Variants in GALNT2 observed in about 807,000 individuals in gnomAD.
GALNT2 encodes polypeptide N-acetylgalactosaminyltransferase 2, also known as UDP-GalNAc:polypeptide N-acetylgalactosaminyltransferase 2.
GALNT2 carries 31 observed loss-of-function variants against 81.4 expected under a neutral mutation model. The observed-to-expected ratio is 0.38, with a 90% CI of 0.29 to 0.51. The LOEUF (loss-of-function observed/expected upper bound fraction) is 0.51, where lower values mean the gene tolerates loss of function less well. GALNT2 is among the 20% of genes least tolerant of loss of function. The probability of loss-of-function intolerance (pLI) is 0.87; values close to 1 mark genes in which losing one functional copy is unlikely to be tolerated. For missense variants in GALNT2, 629 were observed against 765.7 expected (o/e 0.82, Z 2.11); for synonymous variants, 303 against 287.4 (o/e 1.05, Z -0.55).
chr1:230,170,684 T>G (rs1251915340), intron 1 of GALNT2, among the ~76,000 whole-genome samples: 2 of 152,222 alleles, frequency 1.3e-5, no homozygotes, highest in Admixed American at 6.5e-5. Flanking sequence ...AGAATCTGCT[T>G]CTGGTGAGGA....
At chr1:230,174,315 C>T (rs1206802916) in intron 1 of GALNT2, among the ~76,000 whole-genome samples, 4 of 152,220 alleles carry the variant, frequency 2.6e-5, no homozygotes, top group Admixed American at 2.6e-4. Context: ...CTCCTCTCCC[C>T]TGCACTGACA....
chr1:230,203,500 G>A (rs1558138532), intron 3 of GALNT2, among the ~76,000 whole-genome samples: 1 of 152,236 alleles, frequency 6.6e-6, no homozygotes, highest in Non-Finnish European at 1.5e-5. Flanking sequence ...GTCTTTAGGT[G>A]CCCTGTGGCA....
chr1:230,226,467 G>T (rs12025964), intron 3 of GALNT2, among the ~76,000 whole-genome samples: 16,551 of 152,202 alleles, frequency 0.11, 1,861 homozygotes, highest in East Asian at 0.57. Context: ...CAAACTTCTG[G>T]CCCTGCTGGC....
At chr1:230,124,690 A>C (rs958521650) in intron 1 of GALNT2, among the ~76,000 whole-genome samples, 1 of 152,206 alleles carries the variant, frequency 6.6e-6, no homozygotes, top group African/African-American at 2.4e-5. Flanking sequence ...TAAAAGCCAC[A>C]GTCTTGGAAC....
At chr1:230,210,322 C>T (rs1664197548) in intron 3 of GALNT2, among the ~76,000 whole-genome samples, 1 of 152,160 alleles carries the variant, frequency 6.6e-6, no homozygotes, top group Admixed American at 6.5e-5. Context: ...TTTCTTCTTT[C>T]CCCTGTCAAC....
At chr1:230,277,280 TCAGA>T (rs1244597552) in intron 15 of GALNT2, among the ~76,000 whole-genome samples, 1 of 152,112 alleles carries the variant, frequency 6.6e-6, no homozygotes, top group East Asian at 1.9e-4. Flanking sequence ...CACAATCCCA[TCAGA>T]CAGACAGATC....
At chr1:230,065,426 T>C (rs1659147770), upstream of GALNT2, among the ~76,000 whole-genome samples, 1 of 150,980 alleles carries the variant, frequency 6.6e-6, no homozygotes, top group Admixed American at 6.6e-5. Context: ...ATCCTAGATA[T>C]GTGTGTGTGT....
At chr1:230,230,824 T>TG (rs1234550999) in intron 3 of GALNT2, among the ~76,000 whole-genome samples, 1 of 152,186 alleles carries the variant, frequency 6.6e-6, no homozygotes, top group East Asian at 1.9e-4. Context: ...TTCAGGGAGA[T>TG]GGTGCATATT....
intron 1 of GALNT2, among the ~76,000 whole-genome samples, chr1:230,071,710 C>T (rs1158219391): frequency 6.6e-6 from 1 of 152,194 alleles, no homozygotes; most frequent in Non-Finnish European, 1.5e-5. Context: ...AGAAAGTCCA[C>T]TTCAAATGAG....
intron 3 of GALNT2, among the ~76,000 whole-genome samples, chr1:230,221,592 G>A (rs1035493312): frequency 2.0e-5 from 3 of 152,134 alleles, no homozygotes; most frequent in African/African-American, 7.2e-5. Context: ...TGTTAACTTT[G>A]TAAAATGAAT....
At chr1:230,081,628 C>T (rs1209469777) in intron 1 of GALNT2, among the ~76,000 whole-genome samples, 6 of 152,168 alleles carry the variant, frequency 3.9e-5, no homozygotes, top group Middle Eastern at 3.2e-3. Flanking sequence ...AACAAAGCCC[C>T]CCTGTGAGGG....
intron 1 of GALNT2, among the ~76,000 whole-genome samples, chr1:230,100,498 G>A (rs752896275): frequency 1.3e-4 from 19 of 151,966 alleles, no homozygotes; most frequent in African/African-American, 1.9e-4. Flanking sequence ...GCTAATTTTT[G>A]TATTTTTAGT....
At chr1:230,198,866 C>T (rs536069398) in intron 2 of GALNT2, among the ~76,000 whole-genome samples, 62 of 152,278 alleles carry the variant, frequency 4.1e-4, no homozygotes, top group African/African-American at 1.4e-3. Context: ...GCAAACTTTT[C>T]GCAGCCCTTT....
chr1:230,081,532 G>A (rs1283273649), intron 1 of GALNT2, among the ~76,000 whole-genome samples: 1 of 152,170 alleles, frequency 6.6e-6, no homozygotes, highest in Non-Finnish European at 1.5e-5. Flanking sequence ...ATTAGGAAAT[G>A]TTCTTTCATT....
intron 6 of GALNT2, among the ~76,000 whole-genome samples, chr1:230,239,125 CTTT>C: frequency 6.6e-6 from 1 of 152,104 alleles, no homozygotes; most frequent in Non-Finnish European, 1.5e-5. Context: ...GATATTGTCT[CTTT>C]TTTTACTGTT....
At chr1:230,274,636 G>C (rs993295764) in intron 15 of GALNT2, 72 bp downstream of exon 15, 3 of 1,577,550 alleles carry the variant, frequency 1.9e-6, no homozygotes, top group Non-Finnish European at 2.6e-6. Context: ...GCGCCCTCTT[G>C]CTCTGTGCTG....
chr1:230,276,103 A>C (rs1666301232), intron 15 of GALNT2, among the ~76,000 whole-genome samples: 1 of 151,570 alleles, frequency 6.6e-6, no homozygotes, highest in Non-Finnish European at 1.5e-5. Context: ...ATAAACACAT[A>C]TATACATATA....
intron 14 of GALNT2, among the ~76,000 whole-genome samples, chr1:230,266,301 A>T (rs1345625735): frequency 6.6e-6 from 1 of 152,126 alleles, no homozygotes; most frequent in East Asian, 1.9e-4. Flanking sequence ...GAGACTTCGG[A>T]TTCTAAAAAC....
intron 1 of GALNT2, among the ~76,000 whole-genome samples, chr1:230,074,008 A>C (rs948391863): frequency 2.6e-5 from 4 of 152,050 alleles, no homozygotes; most frequent in African/African-American, 7.2e-5. Context: ...AGGTCAGGAC[A>C]TGCATTTGGG....
Sources: gnomAD v4.1 joint callset for allele counts (sites outside exome capture counted in the v4.1 genomes callset) on GRCh38, gnomAD v4.1.1 for gene constraint, MANE v1.5 for transcripts, NCBI Gene and HGNC (gene_info 2026-07-23, HGNC 2026-07-21) for gene names.